The following ATP11C variants were observed in gnomAD, a reference collection of about 807,000 sequenced individuals.
ATP11C encodes the protein phospholipid-transporting ATPase IG.
ATP11C carries 36 observed loss-of-function variants against 97.4 expected under a neutral mutation model. The ratio of observed to expected loss-of-function variants is 0.37; its 90% confidence interval spans 0.28 to 0.49. ATP11C has a LOEUF of 0.49. Among genes scored for constraint, ATP11C ranks in the 20% least tolerant of loss-of-function variants. The pLI, the probability that ATP11C is intolerant of heterozygous loss-of-function variation, is 0.98. For missense variants in ATP11C, 730 were observed against 824.6 expected (o/e 0.89, Z 1.40); for synonymous variants, 275 against 290.9 (o/e 0.95, Z 0.56).
chrX:139,911,169 CA>C (rs963457228), intron 1 of ATP11C, among the ~76,000 whole-genome samples: 53 of 103,566 alleles, frequency 5.1e-4, no homozygotes, highest in East Asian at 3.6e-3. Flanking sequence ...CAAAAGGTAC[CA>C]AAAAAAAAAT....
intron 18 of ATP11C, among the ~76,000 whole-genome samples, chrX:139,782,067 C>T (rs934025705): frequency 4.5e-5 from 5 of 111,840 alleles, no homozygotes; most frequent in Non-Finnish European, 9.4e-5. Context: ...TGGCTCACGC[C>T]TGTAATCCTA....
intron 1 of ATP11C, among the ~76,000 whole-genome samples, chrX:139,859,607 A>T (rs2084148463): frequency 8.9e-6 from 1 of 112,327 alleles, no homozygotes; most frequent in African/African-American, 3.2e-5. Context: ...ATGTGTTACC[A>T]GAAGGCAGAC....
At chrX:139,789,119 C>T (rs777192549) in intron 13 of ATP11C, among the ~76,000 whole-genome samples, 1 of 109,666 alleles carries the variant, frequency 9.1e-6, no homozygotes, top group African/African-American at 3.3e-5. Context: ...AGGAGAATCG[C>T]TTGAACCTGG....
At chrX:139,745,681 T>C in intron 25 of ATP11C, 41 bp downstream of exon 25, 2 of 1,175,661 alleles carry the variant, frequency 1.7e-6, no homozygotes, top group African/African-American at 1.8e-5. Flanking sequence ...AGACAAGCCA[T>C]GCTTATAATA....
At chrX:139,923,646 C>T (rs758899285) in intron 1 of ATP11C, among the ~76,000 whole-genome samples, 3 of 112,055 alleles carry the variant, frequency 2.7e-5, no homozygotes, top group African/African-American at 9.7e-5. Context: ...GCTTAAAGAA[C>T]GTCCCCACTG....
intron 1 of ATP11C, among the ~76,000 whole-genome samples, chrX:139,856,139 G>A (rs182374737): frequency 8.9e-6 from 1 of 112,777 alleles, no homozygotes; most frequent in East Asian, 2.8e-4. Flanking sequence ...GCAGGCCAGA[G>A]GCCCAGATTG....
intron 1 of ATP11C, among the ~76,000 whole-genome samples, chrX:139,905,235 C>T (rs866367206): frequency 1.3e-4 from 15 of 112,080 alleles, no homozygotes; most frequent in African/African-American, 4.2e-4. Context: ...TGGGAAAAGA[C>T]GGGGCTTACA....
chrX:139,772,282 A>G (rs1325542599), intron 19 of ATP11C, among the ~76,000 whole-genome samples: 6 of 112,552 alleles, frequency 5.3e-5, no homozygotes, highest in Non-Finnish European at 1.1e-4. Context: ...AGATTTCAGA[A>G]TATGTATGGA....
intron 1 of ATP11C, among the ~76,000 whole-genome samples, chrX:139,927,141 T>A (rs1407312341): frequency 1.8e-5 from 2 of 111,822 alleles, no homozygotes; most frequent in Admixed American, 1.9e-4. Context: ...GCCCTCTATA[T>A]CTATAGTTGT....
chrX:139,822,225 C>T, intron 2 of ATP11C, among the ~76,000 whole-genome samples: 1 of 112,218 alleles, frequency 8.9e-6, no homozygotes, highest in Admixed American at 9.4e-5. Flanking sequence ...GAAACAGAGT[C>T]TCACACTGTC....
chrX:139,786,455 G>T (rs778008369), intron 15 of ATP11C, among the ~76,000 whole-genome samples: 2 of 110,372 alleles, frequency 1.8e-5, no homozygotes, highest in South Asian at 7.9e-4. Context: ...GTCAGACCAA[G>T]AACCTTCCTC....
At chrX:139,817,005 C>T in intron 3 of ATP11C, 62 bp from the exon 4 acceptor site, 2 of 686,852 alleles carry the variant, frequency 2.9e-6, no homozygotes, top group Non-Finnish European at 4.4e-6. Flanking sequence ...ATATGCAGCA[C>T]TTACATGCTG....
rs1237299237 is a variant in ATP11C, at chrX:139,826,767, T to C, written c.84A>G (p.Pro28=). Reference sequence around the variant, plus strand: ...CAATGTAAGCTTCTGTTTCCGAAACTGGATGATTGCCAACAAACACTGTGC... The same window carrying C: ...CAATGTAAGCTTCTGTTTCCGAAACCGGATGATTGCCAACAAACACTGTGC... The part of the protein sequence containing the change: ...GTRTVFVGNH[P]VSETEAYIAQ... Residue 28 remains proline (P), a synonymous_variant, in exon 2 of 30, where the codon CCA becomes CCG. Transcript: ENST00000682941. 1.7e-6 allele frequency: 2 copies of C among 1,206,813 alleles called. No homozygotes were observed. Among genetic ancestry groups the C allele is most frequent in the Non-Finnish European group, 2.2e-6 (2 of 892,706 alleles).
At chrX:139,895,329 T>A (rs1288805831) in intron 1 of ATP11C, among the ~76,000 whole-genome samples, 2 of 111,665 alleles carry the variant, frequency 1.8e-5, no homozygotes, top group Admixed American at 1.9e-4. Context: ...TGGAGTGCAG[T>A]GGCACGATCT....
intron 5 of ATP11C, among the ~76,000 whole-genome samples, chrX:139,813,202 T>C (rs1047939286): frequency 8.9e-6 from 1 of 111,792 alleles, no homozygotes; most frequent in African/African-American, 3.3e-5. Flanking sequence ...ATCAGTGAAA[T>C]GCTAATTAAG....
At chrX:139,766,855 G>A (rs1189653646) in intron 20 of ATP11C, among the ~76,000 whole-genome samples, 1 of 111,801 alleles carries the variant, frequency 8.9e-6, no homozygotes, top group African/African-American at 3.3e-5. Context: ...AAAGCATGTA[G>A]GAGGTGGCCC....
At chrX:139,929,583 TACAATCAACACCACTGTAATTTATTTC>T (rs1200389096) in intron 1 of ATP11C, among the ~76,000 whole-genome samples, 1 of 111,386 alleles carries the variant, frequency 9.0e-6, no homozygotes, top group Non-Finnish European at 1.9e-5. Flanking sequence ...AACCAACAAC[TACAATCAACACCACTGTAATTTATTTC>T]ACAATCAAAA....
intron 2 of ATP11C, among the ~76,000 whole-genome samples, chrX:139,822,432 G>T (rs1406308689): frequency 2.8e-5 from 3 of 107,411 alleles, no homozygotes. Flanking sequence ...TGTTTTTTTT[G>T]AGACAGAGTC....
At chrX:139,743,442 C>G (rs966519599) in intron 26 of ATP11C, 117 bp downstream of exon 26, 5 of 465,462 alleles carry the variant, frequency 1.1e-5, no homozygotes, top group African/African-American at 1.0e-4. Context: ...AAGGCAAACA[C>G]TTGAATAACA....
Sources: allele counts gnomAD v4.1 joint callset (sites outside exome capture counted in the v4.1 genomes callset), GRCh38; gene constraint gnomAD v4.1.1; transcripts MANE v1.5; gene names NCBI Gene and HGNC (gene_info 2026-07-23, HGNC 2026-07-21).